Variants in CPNE4 observed in about 807,000 individuals in gnomAD.
CPNE4 encodes the protein copine 4.
In CPNE4, 25 loss-of-function variants were observed where a neutral mutation model predicts 67.9. The observed-to-expected ratio is 0.37, with a 90% CI of 0.27 to 0.51. The LOEUF is 0.51. Ranked by LOEUF, CPNE4 falls within the 20% of genes least tolerant of loss-of-function variation. The pLI is 0.93. For synonymous variants in CPNE4, 242 were observed against 244.9 expected, an observed-to-expected ratio of 0.99 and a Z score of 0.11; for missense variants, 464 against 690.8, an observed-to-expected ratio of 0.67 and a Z score of 3.68.
chr3:131,963,853 G>A (rs141348259), intron 1 of CPNE4, among the ~76,000 whole-genome samples: 2 of 152,316 alleles, frequency 1.3e-5, no homozygotes, highest in African/African-American at 4.8e-5. Context: ...AGAGAGCAGA[G>A]AATCTCACAG....
chr3:131,801,081 C>T (rs1316470473), intron 2 of CPNE4, among the ~76,000 whole-genome samples: 1 of 151,936 alleles, frequency 6.6e-6, no homozygotes, highest in Non-Finnish European at 1.5e-5. Flanking sequence ...ATCCAGAACC[C>T]TGGATTGTGG....
intron 2 of CPNE4, among the ~76,000 whole-genome samples, chr3:131,825,321 C>A (rs1433465229): frequency 2.0e-5 from 3 of 151,920 alleles, no homozygotes; most frequent in Non-Finnish European, 4.4e-5. Flanking sequence ...CATGGTAAAA[C>A]CCTGTCTCTA....
chr3:131,736,202 C>G (rs114194457), intron 2 of CPNE4, among the ~76,000 whole-genome samples: 6,396 of 152,262 alleles, frequency 0.042, 153 homozygotes, highest in Admixed American at 0.077. Context: ...TCCACGGTGG[C>G]CCAATGACTG....
At chr3:131,809,513 C>T (rs529448759) in intron 2 of CPNE4, among the ~76,000 whole-genome samples, 87 of 149,254 alleles carry the variant, frequency 5.8e-4, no homozygotes, top group Non-Finnish European at 9.6e-4. Flanking sequence ...TACCCCTTCC[C>T]GCTTTATACA....
chr3:131,613,545 T>G (rs1469886213), intron 7 of CPNE4, among the ~76,000 whole-genome samples: 4 of 152,212 alleles, frequency 2.6e-5, no homozygotes, highest in Non-Finnish European at 5.9e-5. Context: ...AGGGGAAAAT[T>G]GGCAAATATG....
chr3:131,851,599 A>G (rs889216568), intron 2 of CPNE4, among the ~76,000 whole-genome samples: 1 of 152,086 alleles, frequency 6.6e-6, no homozygotes, highest in African/African-American at 2.4e-5. Flanking sequence ...GAAGTTGGTG[A>G]TGATAGCGAT....
At position 131,696,525 on chromosome 3, in the gene CPNE4, A is replaced by G. The variant is rs2107696482; in HGVS notation, c.507+17T>C. Reference sequence around the variant, plus strand: ...CTTTGTTACTTCCTTCAATAAGGTTAATGCCAAACGCTTTACCTTGTCATC... The same window carrying G: ...CTTTGTTACTTCCTTCAATAAGGTTGATGCCAAACGCTTTACCTTGTCATC... On this transcript the variant is annotated intron_variant, in intron 5 of 15. Transcript: ENST00000429747. The G allele has an allele frequency of 6.2e-7, 1 of 1,610,690 alleles. No homozygotes were observed. The highest frequency in any genetic ancestry group is 1.3e-5 in the African/African-American group (1 of 74,974).
chr3:131,948,260 C>T (rs2071618695), intron 1 of CPNE4, among the ~76,000 whole-genome samples: 4 of 152,080 alleles, frequency 2.6e-5, no homozygotes. Context: ...GGGCAGTTTC[C>T]CCCATGTTGT....
At chr3:131,669,529 T>C in intron 7 of CPNE4, 146 bp downstream of exon 7, 1 of 593,162 alleles carries the variant, frequency 1.7e-6, no homozygotes. Context: ...AAATAGCCCT[T>C]GTTTCTTCCA....
chr3:131,712,609 G>A (rs1468442113), intron 3 of CPNE4, among the ~76,000 whole-genome samples: 2 of 152,356 alleles, frequency 1.3e-5, no homozygotes, highest in East Asian at 3.9e-4. Context: ...TTGGAAGAGA[G>A]TTGGTTTGGG....
In CPNE4 at chr3:131,552,598, T is replaced by G. The variant is rs536717952; in HGVS notation, c.1117-107A>C. 6.4e-6 allele frequency: 5 copies of G among 783,312 alleles called. No individual in the cohort carries two copies. The African/African-American group carries it at 8.7e-5, about 14-fold the overall frequency. The allele number at this position is 783,312 out of a possible 1,614,324, so 48.5% of individuals were successfully genotyped here. A position where few individuals can be genotyped will look rare whatever the true frequency, so the allele number is the denominator to read the frequency against. ...GTTTGCAAACAAATGCCCATTATAT[T>G]CATTATGTGTTAAGCAGCAGGAACC... On this transcript the variant is annotated intron_variant, in intron 12 of 15. Coordinates refer to ENST00000429747, the MANE Select transcript of CPNE4 (RefSeq NM_130808.3).
In CPNE4 at chr3:131,709,771, C is replaced by T. The variant is rs559538615; in HGVS notation, c.361-9791G>A. 5.9e-5 allele frequency among the ~76,000 whole-genome samples: 9 copies of T among 152,320 alleles called. 1 individual carries two copies. Among genetic ancestry groups the T allele is most frequent in the South Asian group, 2.1e-4 (1 of 4,814 alleles). On this transcript the variant is annotated intron_variant, in intron 3 of 15. Transcript: ENST00000429747. The stretch of plus-strand genomic sequence containing the variant: ...TGAGGATTAAATGAGATAATTGGTA[C>T]GAAGCTTTCAGCATAGGGTCTGGCA...
rs752432033 is a variant in CPNE4 at position 131,905,405 on chromosome 3, G to A, written c.39C>T (p.Asn13=). 1.4e-5 allele frequency: 22 copies of A among 1,613,280 alleles called. No individual in the cohort carries two copies. The Admixed American group carries it at 3.7e-4, about 27-fold the overall frequency. Residue 13 remains asparagine (N), a synonymous_variant, in exon 2 of 16, where the codon AAC becomes AAT. Transcript: ENST00000429747. The part of the protein sequence containing the change: ...KMSNIYESAA[N]TLGIFNSPCL... ...AGGGGCTGTTAAAGATTCCCAGTGT[G>A]TTGGCAGCGGACTCATAAATGTTGC...
At chr3:131,838,628 A>AG (rs2085648614) in intron 2 of CPNE4, among the ~76,000 whole-genome samples, 4 of 39,042 alleles carry the variant, frequency 1.0e-4, no homozygotes, top group South Asian at 2.3e-3. Flanking sequence ...ACCAAAAGAA[A>AG]ATCTGACAGA....
chr3:131,700,229 TG>T (rs552367496), intron 3 of CPNE4, among the ~76,000 whole-genome samples: 91 of 152,006 alleles, frequency 6.0e-4, no homozygotes, highest in Middle Eastern at 3.4e-3. Flanking sequence ...TGCAGTCAAT[TG>T]GGAGGTGGCT....
At chr3:131,663,993 C>T (rs766811058) in intron 7 of CPNE4, among the ~76,000 whole-genome samples, 1 of 152,172 alleles carries the variant, frequency 6.6e-6, no homozygotes, top group African/African-American at 2.4e-5. Flanking sequence ...GTGCTATCAC[C>T]TTAGTTTTCC....
chr3:131,930,446 T>TA (rs955767689), intron 1 of CPNE4, among the ~76,000 whole-genome samples: 6 of 119,086 alleles, frequency 5.0e-5, no homozygotes, highest in Non-Finnish European at 1.0e-4. Flanking sequence ...ATTTCCAATT[T>TA]AAAAAAAACA....
intron 3 of CPNE4, among the ~76,000 whole-genome samples, chr3:131,705,992 C>T (rs1288779971): frequency 6.6e-6 from 1 of 152,200 alleles, no homozygotes; most frequent in South Asian, 2.1e-4. Flanking sequence ...CCCCCGGCCA[C>T]ACCAGGTGGC....
chr3:131,658,669 T>C (rs1442740233), intron 7 of CPNE4, among the ~76,000 whole-genome samples: 2 of 152,230 alleles, frequency 1.3e-5, no homozygotes, highest in Non-Finnish European at 2.9e-5. Flanking sequence ...GAGGAGATGC[T>C]GATACCTCCT....
Sources: gnomAD v4.1 joint callset for allele counts (sites outside exome capture counted in the v4.1 genomes callset) on GRCh38, gnomAD v4.1.1 for gene constraint, MANE v1.5 for transcripts, NCBI Gene and HGNC (gene_info 2026-07-23, HGNC 2026-07-21) for gene names.